DIAPH3: variants seen among roughly 807,000 people sequenced by gnomAD.
DIAPH3 encodes the protein diaphanous related formin 3, also known as protein diaphanous homolog 3.
Under a neutral mutation model 144.3 loss-of-function variants are expected in DIAPH3, and 117 were observed. The observed-to-expected ratio is 0.81, with a 90% CI of 0.70 to 0.95. The LOEUF is 0.95. Among genes scored for constraint, DIAPH3 ranks in the 40% least tolerant of loss-of-function variants. DIAPH3 has a pLI of 0.00. For missense variants in DIAPH3, 1,421 were observed against 1,412.7 expected, an observed-to-expected ratio of 1.01 and a Z score of -0.09; for synonymous variants, 519 against 488.9, an observed-to-expected ratio of 1.06 and a Z score of -0.81.
At chr13:59,676,148 A>G (rs1480546618) in intron 27 of DIAPH3, among the ~76,000 whole-genome samples, 1 of 152,216 alleles carries the variant, frequency 6.6e-6, no homozygotes, top group Middle Eastern at 3.2e-3. Context: ...GTAGAATCAA[A>G]TGGAAAGACC....
chr13:59,709,720 T>C (rs1391835985), intron 27 of DIAPH3, among the ~76,000 whole-genome samples: 2 of 152,152 alleles, frequency 1.3e-5, no homozygotes, highest in Non-Finnish European at 2.9e-5. Context: ...AGAAATACCA[T>C]TTGACCCAGC....
intron 17 of DIAPH3, among the ~76,000 whole-genome samples, chr13:59,937,195 C>T (rs1235771966): frequency 6.6e-6 from 1 of 151,668 alleles, no homozygotes; most frequent in African/African-American, 2.4e-5. Context: ...AATAATTTTT[C>T]CACTATTTTT....
chr13:59,671,892 T>C (rs983721187), intron 27 of DIAPH3, among the ~76,000 whole-genome samples: 1 of 152,184 alleles, frequency 6.6e-6, no homozygotes, highest in Admixed American at 6.6e-5. Context: ...ATAAAGGCCT[T>C]AAACTACATC....
chr13:59,939,237 G>C (rs2048404305), intron 17 of DIAPH3, among the ~76,000 whole-genome samples: 1 of 152,120 alleles, frequency 6.6e-6, no homozygotes, highest in Non-Finnish European at 1.5e-5. Flanking sequence ...ACATTGGTTT[G>C]ACTATTTATA....
chr13:59,838,305 A>G (rs2042146374), intron 23 of DIAPH3: 1 of 152,052 alleles, frequency 6.6e-6, no homozygotes, highest in Non-Finnish European at 1.5e-5. Flanking sequence ...GTTACTCATT[A>G]GAGATTAAGC....
At chr13:59,992,683 T>G in intron 9 of DIAPH3, 100 bp from the exon 10 acceptor site, 1 of 937,426 alleles carries the variant, frequency 1.1e-6, no homozygotes, top group Non-Finnish European at 1.7e-6. Flanking sequence ...ATTAAATATC[T>G]TTCCTATTAA....
intron 19 of DIAPH3, among the ~76,000 whole-genome samples, chr13:59,914,895 T>A (rs1025204918): frequency 6.6e-6 from 1 of 152,196 alleles, no homozygotes; most frequent in South Asian, 2.1e-4. Context: ...TTTAAGCAAA[T>A]AAGTTCTTGG....
intron 1 of DIAPH3, among the ~76,000 whole-genome samples, chr13:60,139,901 C>T (rs1334102658): frequency 2.0e-5 from 3 of 152,208 alleles, no homozygotes; most frequent in African/African-American, 7.2e-5. Context: ...AGATGAAAAA[C>T]TCTTTTGCAA....
At chr13:60,133,133 C>T (rs2059184933) in intron 1 of DIAPH3, 144 bp from the exon 2 acceptor site, 1 of 588,194 alleles carries the variant, frequency 1.7e-6, no homozygotes, top group East Asian at 2.9e-5. Flanking sequence ...TATATATAAT[C>T]GTTTTAATCT....
intron 20 of DIAPH3, among the ~76,000 whole-genome samples, chr13:59,890,575 G>T (rs189129290): frequency 1.3e-5 from 2 of 150,018 alleles, no homozygotes; most frequent in African/African-American, 2.4e-5. Context: ...TATAATTTCC[G>T]TTTTTAAAAT....
At chr13:60,052,212 C>A (rs922162989) in intron 4 of DIAPH3, among the ~76,000 whole-genome samples, 2 of 151,962 alleles carry the variant, frequency 1.3e-5, no homozygotes, top group Admixed American at 6.6e-5. Flanking sequence ...GAACATGAAA[C>A]ATGTAAAGTC....
intron 5 of DIAPH3, among the ~76,000 whole-genome samples, chr13:60,042,197 T>C (rs1347766982): frequency 1.3e-5 from 2 of 152,182 alleles, no homozygotes; most frequent in African/African-American, 4.8e-5. Flanking sequence ...GGACGTCAGA[T>C]AAACAGTGTG....
intron 27 of DIAPH3, among the ~76,000 whole-genome samples, chr13:59,723,866 G>A (rs2035475561): frequency 6.6e-6 from 1 of 151,028 alleles, no homozygotes; most frequent in Non-Finnish European, 1.5e-5. Flanking sequence ...GCCCGCCTCG[G>A]CCTCCCAAAG....
intron 22 of DIAPH3, among the ~76,000 whole-genome samples, chr13:59,841,929 G>A (rs949575514): frequency 6.6e-6 from 1 of 152,048 alleles, no homozygotes; most frequent in Non-Finnish European, 1.5e-5. Flanking sequence ...TTAAAAATTG[G>A]TGAAGCTAGA....
intron 27 of DIAPH3, chr13:59,695,136 G>A (rs1285827274): frequency 2.6e-5 from 4 of 152,180 alleles, no homozygotes; most frequent in Non-Finnish European, 5.9e-5. Context: ...ATTTGTACCT[G>A]TGATCTCAAC....
intron 22 of DIAPH3, among the ~76,000 whole-genome samples, chr13:59,854,867 T>C (rs341497): frequency 0.091 from 13,829 of 152,216 alleles, 956 homozygotes; most frequent in East Asian, 0.4. Context: ...TGATGACACT[T>C]TCAGCCTGTT....
intron 5 of DIAPH3, among the ~76,000 whole-genome samples, chr13:60,037,223 TCTCA>T (rs1351871512): frequency 2.0e-5 from 3 of 151,882 alleles, no homozygotes; most frequent in African/African-American, 7.3e-5. Context: ...GCCATCACAC[TCTCA>T]CTAAGGAATC....
Position 60,088,153 on chromosome 13 carries a change from A to C in DIAPH3, c.495+5475T>G, listed in dbSNP as rs573309393. Among the ~76,000 whole-genome samples the C allele has an allele frequency of 5.3e-5, 8 of 152,282 alleles. No homozygotes were observed. The South Asian group carries it at 1.7e-3, about 32-fold the overall frequency. ...GGTAGTTAAACTGTCTGGACAGTTT[A>C]ATCATCTTGACCTACGAAAATTAAT... On this transcript the variant is annotated intron_variant, in intron 4 of 27. Transcript: ENST00000400324.
chr13:59,975,856 T>C (rs913756350), intron 14 of DIAPH3, among the ~76,000 whole-genome samples: 2 of 151,732 alleles, frequency 1.3e-5, no homozygotes, highest in African/African-American at 4.8e-5. Context: ...ACACTACCAT[T>C]CCCCACAACT....
Sources: allele counts gnomAD v4.1 joint callset (sites outside exome capture counted in the v4.1 genomes callset), GRCh38; gene constraint gnomAD v4.1.1; transcripts MANE v1.5; gene names NCBI Gene and HGNC (gene_info 2026-07-23, HGNC 2026-07-21).